The following WNT7A variants were observed in gnomAD, a reference collection of about 807,000 sequenced individuals.
WNT7A encodes the protein Wnt family member 7A.
In WNT7A, 16 loss-of-function variants were observed where a neutral mutation model predicts 28.2. That is an observed-to-expected ratio of 0.57 (90% CI 0.38 to 0.86). The LOEUF (loss-of-function observed/expected upper bound fraction) is 0.86, where lower values mean the gene tolerates loss of function less well. Among genes scored for constraint, WNT7A ranks in the 40% least tolerant of loss-of-function variants. The probability of loss-of-function intolerance (pLI) is 0.00; values close to 1 mark genes in which losing one functional copy is unlikely to be tolerated. For synonymous variants in WNT7A, 190 were observed against 195.9 expected, an observed-to-expected ratio of 0.97 and a Z score of 0.25; for missense variants, 411 against 489.7, an observed-to-expected ratio of 0.84 and a Z score of 1.52.
In WNT7A at chr3:13,819,221, A is replaced by T. The variant is rs772498615; in HGVS notation, c.773T>A (p.Leu258Gln). The T allele has an allele frequency of 1.9e-6, 3 of 1,614,258 alleles. No homozygotes were observed. Among genetic ancestry groups the T allele is most frequent in the Non-Finnish European group, 2.5e-6 (3 of 1,180,044 alleles). Residue 258 changes from leucine (L) to glutamine (Q), a missense_variant, in exon 4 of 4, where the codon CTG (leucine) becomes CAG (glutamine). By Grantham distance (113) the Leu-to-Gln change is moderately radical. Transcript: ENST00000285018. ...CGTGTCCATGGGCTTGCGGTACGACAGTGGCTTCTTGATCTTCAGGAAGGT... is the reference window on the plus strand; with the variant it reads ...CGTGTCCATGGGCTTGCGGTACGACTGTGGCTTCTTGATCTTCAGGAAGGT... ...RPTFLKIKKPLSYRKPMDTDL... is the reference protein window; with the variant it reads ...RPTFLKIKKPQSYRKPMDTDL...
Position 13,818,763 on chromosome 3 carries a change from A to G in WNT7A, c.*181T>C, listed in dbSNP as rs1378648270. The G allele has an allele frequency of 3.2e-6, 3 of 948,878 alleles. No homozygotes were observed. The East Asian group carries it at 8.1e-5, about 26-fold the overall frequency. 58.8% of individuals were successfully genotyped at this position (948,878 alleles called of 1,614,324 possible). A position where few individuals can be genotyped will look rare whatever the true frequency, so the allele number is the denominator to read the frequency against. ...TGGAGCAGCATTGGGTGTGGAACAG[A>G]ATAGTTGAGGGCTCTGAGAGATTTT... On this transcript the variant is annotated 3_prime_UTR_variant, in exon 4 of 4. Transcript: ENST00000285018.
At chr3:13,832,559 T>TC (rs1486054589) in intron 3 of WNT7A, among the ~76,000 whole-genome samples, 1 of 151,902 alleles carries the variant, frequency 6.6e-6, no homozygotes, top group Non-Finnish European at 1.5e-5. Context: ...CTCCTCTCCC[T>TC]CCCCATGTCG....
At position 13,868,592 on chromosome 3, in the gene WNT7A, G is replaced by GAAAA. The variant is rs1559306974; in HGVS notation, c.298+6354_298+6355insTTTT. On this transcript the variant is annotated intron_variant, in intron 2 of 3. Transcript: ENST00000285018. ...AGAGAGAGAGAGAGAGAGAGAGAGGGAGAAAGAAAGAAAGAAAGAGAGAGA... is the reference window on the plus strand; with the variant it reads ...AGAGAGAGAGAGAGAGAGAGAGAGGGAAAAAGAAAGAAAGAAAGAAAGAGAGAGA... 3.5e-4 allele frequency among the ~76,000 whole-genome samples: 6 copies of GAAAA among 16,910 alleles called. 2 individuals carry two copies. The highest frequency in any genetic ancestry group is 4.8e-4 in the Non-Finnish European group (5 of 10,520). 11.1% of individuals were successfully genotyped at this position (16,910 alleles called of 152,430 possible).
chr3:13,819,977 C>T (rs974302163), intron 3 of WNT7A, among the ~76,000 whole-genome samples: 26 of 152,210 alleles, frequency 1.7e-4, no homozygotes, highest in African/African-American at 6.0e-4. Flanking sequence ...ACCCAGAGTA[C>T]AGCATATTCA....
chr3:13,870,916 A>G (rs59835926), intron 2 of WNT7A, among the ~76,000 whole-genome samples: 9,658 of 152,248 alleles, frequency 0.063, 494 homozygotes, highest in South Asian at 0.19. Context: ...ATTGGGGTTC[A>G]ATTTCTAGCA....
At chr3:13,819,889 G>T (rs750393439) in intron 3 of WNT7A, among the ~76,000 whole-genome samples, 15 of 152,308 alleles carry the variant, frequency 9.8e-5, no homozygotes, top group Non-Finnish European at 1.9e-4. Context: ...GTGGACTGGA[G>T]TTGGGCCATG....
At chr3:13,829,447 A>G (rs1439035838) in intron 3 of WNT7A, among the ~76,000 whole-genome samples, 1 of 152,198 alleles carries the variant, frequency 6.6e-6, no homozygotes, top group Non-Finnish European at 1.5e-5. Context: ...GGCACCAGGT[A>G]TCTCACAGAA....
intron 3 of WNT7A, among the ~76,000 whole-genome samples, chr3:13,851,928 A>G (rs1414155480): frequency 6.6e-6 from 1 of 152,248 alleles, no homozygotes; most frequent in Non-Finnish European, 1.5e-5. Flanking sequence ...TCACCTCGCC[A>G]AAAGATATTG....
At chr3:13,821,083 G>A (rs1335672962) in intron 3 of WNT7A, among the ~76,000 whole-genome samples, 1 of 152,226 alleles carries the variant, frequency 6.6e-6, no homozygotes, top group East Asian at 1.9e-4. Flanking sequence ...TCAGTGAGGG[G>A]ATAGTTCCCA....
At chr3:13,837,319 TG>T (rs1337374503) in intron 3 of WNT7A, among the ~76,000 whole-genome samples, 1 of 152,080 alleles carries the variant, frequency 6.6e-6, no homozygotes, top group African/African-American at 2.4e-5. Context: ...AAAGCCACCC[TG>T]GATGGCCCCC....
chr3:13,841,700 T>A (rs9862841), intron 3 of WNT7A, among the ~76,000 whole-genome samples: 1 of 152,156 alleles, frequency 6.6e-6, no homozygotes, highest in African/African-American at 2.4e-5. Flanking sequence ...TGTCTGGGCC[T>A]GTGCCGTTCC....
Position 13,879,860 on chromosome 3 carries a change from C to T in WNT7A, c.-44G>A. On this transcript the variant is annotated 5_prime_UTR_variant, in exon 1 of 4. Coordinates refer to ENST00000285018, the MANE Select transcript of WNT7A (RefSeq NM_004625.4). ...GGGCCGCGGGCCGGGCTGTGCTGAT[C>T]CCGCGGGCCGGCCCCGGCGGGGCAA... 6.6e-7 allele frequency: 1 copy of T among 1,523,856 alleles called. No individual in the cohort carries two copies. The highest frequency in any genetic ancestry group is 8.8e-7 in the Non-Finnish European group (1 of 1,131,460). The allele number at this position is 1,523,856 out of a possible 1,614,324, so 94.4% of individuals were successfully genotyped here. A position where few individuals can be genotyped will look rare whatever the true frequency, so the allele number is the denominator to read the frequency against.
chr3:13,868,580 GAGAGAGAGAGGGAGAA>G (rs1289630186), intron 2 of WNT7A, among the ~76,000 whole-genome samples: 1 of 19,388 alleles, frequency 5.2e-5, no homozygotes, highest in Non-Finnish European at 8.6e-5. Flanking sequence ...GAGAGAGAGA[GAGAGAGAGAGGGAGAA>G]AGAAAGAAAG....
intron 3 of WNT7A, among the ~76,000 whole-genome samples, chr3:13,821,609 G>A (rs1694111003): frequency 6.6e-6 from 1 of 152,216 alleles, no homozygotes; most frequent in African/African-American, 2.4e-5. Context: ...GCTCTAGCAA[G>A]CCACACTGAC....
chr3:13,872,361 C>T (rs1381357583), intron 2 of WNT7A, among the ~76,000 whole-genome samples: 1 of 152,078 alleles, frequency 6.6e-6, no homozygotes, highest in Non-Finnish European at 1.5e-5. Flanking sequence ...TATTATGTTG[C>T]CACTTCTGTG....
chr3:13,853,081 A>G (rs938753654), intron 3 of WNT7A, among the ~76,000 whole-genome samples: 5 of 101,126 alleles, frequency 4.9e-5, no homozygotes, highest in African/African-American at 1.1e-4. Flanking sequence ...CTGCCTCCCA[A>G]GGGTCTATGA....
intron 3 of WNT7A, among the ~76,000 whole-genome samples, chr3:13,821,646 G>A (rs1164457088): frequency 6.6e-6 from 1 of 152,226 alleles, no homozygotes; most frequent in Non-Finnish European, 1.5e-5. Flanking sequence ...ACACAGTGTG[G>A]AGGGACAGAA....
chr3:13,865,571 A>G (rs1694897920), intron 2 of WNT7A, among the ~76,000 whole-genome samples: 1 of 152,146 alleles, frequency 6.6e-6, no homozygotes, highest in Admixed American at 6.5e-5. Context: ...GCAGTTTTTT[A>G]TTTGGGGTGA....
chr3:13,863,575 A>G (rs948476834), intron 2 of WNT7A: 4 of 152,158 alleles, frequency 2.6e-5, no homozygotes, highest in African/African-American at 9.7e-5. Context: ...GCTAAAACCC[A>G]GGATGAACTG....
Sources: gnomAD v4.1 joint callset for allele counts (sites outside exome capture counted in the v4.1 genomes callset) on GRCh38, gnomAD v4.1.1 for gene constraint, MANE v1.5 for transcripts, NCBI Gene and HGNC (gene_info 2026-07-23, HGNC 2026-07-21) for gene names.